PDE1A: variants seen among roughly 807,000 people sequenced by gnomAD.
PDE1A encodes the protein phosphodiesterase 1A.
A neutral mutation model predicts 61.7 loss-of-function variants in PDE1A; 35 were observed. The observed-to-expected ratio is 0.57, with a 90% CI of 0.43 to 0.75. The LOEUF (loss-of-function observed/expected upper bound fraction) is 0.75, where lower values mean the gene tolerates loss of function less well. Among genes scored for constraint, PDE1A ranks in the 30% least tolerant of loss-of-function variants. The pLI is 0.00. For synonymous variants in PDE1A, 232 were observed against 213.2 expected (o/e 1.09, Z -0.77); for missense variants, 597 against 630.6 (o/e 0.95, Z 0.57).
At chr2:182,249,899 C>A (rs1460497328) in intron 2 of PDE1A, among the ~76,000 whole-genome samples, 4 of 152,072 alleles carry the variant, frequency 2.6e-5, no homozygotes, top group African/African-American at 9.7e-5. Flanking sequence ...TTATTTAATC[C>A]TCATAATACC....
At position 182,387,625 on chromosome 2, in the gene PDE1A, C is replaced by T. The variant is rs189377832; in HGVS notation, c.53+38953G>A. On this transcript the variant is annotated intron_variant, in intron 1 of 13. Transcript: ENST00000351439. ...ATACAAAATTAGCCAGGTGTGGTGG[C>T]GCAAGCCTGTAATCCCAGATACTTG... Among the ~76,000 whole-genome samples, 307 of 151,890 alleles carry T rather than the reference C, an allele frequency of 2.0e-3. 3 individuals carry two copies. The highest frequency in any genetic ancestry group is 4.1e-3 in the East Asian group (21 of 5,162).
chr2:182,275,860 TTAA>T (rs1693372604), intron 1 of PDE1A, among the ~76,000 whole-genome samples: 1 of 152,264 alleles, frequency 6.6e-6, no homozygotes, highest in Admixed American at 6.5e-5. Flanking sequence ...TCCCTCATTA[TTAA>T]TGATTTAAAT....
At chr2:182,666,537 G>A in the PDE1A span, among the ~76,000 whole-genome samples, 4 of 151,756 alleles carry the variant, frequency 2.6e-5, no homozygotes, top group Non-Finnish European at 5.9e-5. Context: ...GAACCCGGGA[G>A]GCAGAGGTTG....
intron 1 of PDE1A, among the ~76,000 whole-genome samples, chr2:182,343,618 G>C (rs1010715357): frequency 1.3e-5 from 2 of 152,046 alleles, no homozygotes; most frequent in African/African-American, 4.8e-5. Context: ...ACAGGTCTAT[G>C]TCTTCTAAAC....
the PDE1A span, chr2:182,716,036 C>A: frequency 6.6e-6 from 1 of 152,330 alleles, no homozygotes; most frequent in African/African-American, 2.4e-5. Context: ...CGGCAGGCGC[C>A]GGCCGCATTG....
chr2:182,442,001 C>T (rs561266800), intron 2 of PDE1A, among the ~76,000 whole-genome samples: 1 of 152,016 alleles, frequency 6.6e-6, no homozygotes, highest in Non-Finnish European at 1.5e-5. Context: ...GCTAGAAAAT[C>T]AGTGAATAGT....
chr2:182,509,136 G>T (rs1415969822), intron 2 of PDE1A, among the ~76,000 whole-genome samples: 5 of 152,040 alleles, frequency 3.3e-5, no homozygotes, highest in Non-Finnish European at 7.4e-5. Context: ...ACTGTGCAGG[G>T]TTTTCTTGGT....
chr2:182,357,037 G>T (rs774615201), intron 1 of PDE1A, among the ~76,000 whole-genome samples: 11 of 152,058 alleles, frequency 7.2e-5, no homozygotes, highest in Non-Finnish European at 1.6e-4. Flanking sequence ...GTTGTGGGGT[G>T]TGGGGAGCGG....
At chr2:182,174,065 G>C (rs939633565) in intron 13 of PDE1A, among the ~76,000 whole-genome samples, 1 of 152,146 alleles carries the variant, frequency 6.6e-6, no homozygotes, top group South Asian at 2.1e-4. Flanking sequence ...ACAGAGACCC[G>C]TGAGATAAAA....
chr2:182,617,765 T>G, the PDE1A span, among the ~76,000 whole-genome samples: 1 of 152,216 alleles, frequency 6.6e-6, no homozygotes, highest in Non-Finnish European at 1.5e-5. Context: ...TTGGAATGTC[T>G]TTACTCATCT....
downstream of PDE1A, among the ~76,000 whole-genome samples, chr2:182,164,705 G>A (rs1691559187): frequency 1.3e-5 from 2 of 152,050 alleles, no homozygotes; most frequent in South Asian, 4.2e-4. Context: ...GCCATAGACT[G>A]AGCACTCACA....
chr2:182,579,599 A>G, the PDE1A span, among the ~76,000 whole-genome samples: 125 of 152,276 alleles, frequency 8.2e-4, no homozygotes, highest in African/African-American at 2.9e-3. Context: ...GCCAAGGGCT[A>G]TGAGTATATA....
chr2:182,562,151 G>A, the PDE1A span, among the ~76,000 whole-genome samples: 1 of 152,050 alleles, frequency 6.6e-6, no homozygotes, highest in Admixed American at 6.6e-5. Context: ...CAAAGGGAAT[G>A]CTTCCAGTTT....
intron 1 of PDE1A, among the ~76,000 whole-genome samples, chr2:182,272,734 GA>G (rs1198830354): frequency 6.6e-6 from 1 of 152,092 alleles, no homozygotes; most frequent in Non-Finnish European, 1.5e-5. Context: ...ATGACCAATG[GA>G]ACTGATAGAA....
At chr2:182,278,406 AC>A (rs1479032727) in intron 1 of PDE1A, among the ~76,000 whole-genome samples, 2 of 152,028 alleles carry the variant, frequency 1.3e-5, no homozygotes, top group African/African-American at 2.4e-5. Context: ...AACCATAAAC[AC>A]TAAAAGGCTT....
At chr2:182,442,586 A>G (rs935221899) in intron 2 of PDE1A, among the ~76,000 whole-genome samples, 1 of 152,074 alleles carries the variant, frequency 6.6e-6, no homozygotes, top group African/African-American at 2.4e-5. Context: ...TTCTATTCAT[A>G]TAATAAACAA....
chr2:182,159,376 C>A (rs2125293636), intron 13 of PDE1A, among the ~76,000 whole-genome samples: 1 of 152,210 alleles, frequency 6.6e-6, no homozygotes, highest in South Asian at 2.1e-4. Flanking sequence ...ATTTACTCAT[C>A]AGAAAACTGG....
intron 1 of PDE1A, among the ~76,000 whole-genome samples, chr2:182,403,492 G>A (rs532213634): frequency 3.3e-4 from 50 of 151,788 alleles, no homozygotes; most frequent in African/African-American, 1.1e-3. Flanking sequence ...CCAGCTACTC[G>A]GGAGGCTGAG....
chr2:182,583,153 G>A, the PDE1A span, among the ~76,000 whole-genome samples: 2 of 152,086 alleles, frequency 1.3e-5, no homozygotes, highest in Non-Finnish European at 2.9e-5. Context: ...AAAATCCATG[G>A]AGCTTCTGGG....
Sources: gnomAD v4.1 joint callset for allele counts (sites outside exome capture counted in the v4.1 genomes callset) on GRCh38, gnomAD v4.1.1 for gene constraint, MANE v1.5 for transcripts, NCBI Gene and HGNC (gene_info 2026-07-23, HGNC 2026-07-21) for gene names.